MYT1: variants seen among roughly 807,000 people sequenced by gnomAD.
The protein encoded by MYT1 is myelin transcription factor I.
MYT1 carries 23 observed loss-of-function variants against 123.0 expected under a neutral mutation model. That is an observed-to-expected ratio of 0.19 (90% CI 0.13 to 0.26). The LOEUF (loss-of-function observed/expected upper bound fraction) is 0.26. MYT1 is among the 10% of genes least tolerant of loss of function. MYT1 has a pLI of 1.00. For missense variants in MYT1, 1,125 were observed against 1,472.5 expected, an observed-to-expected ratio of 0.76 and a Z score of 3.86; for synonymous variants, 518 against 575.3, an observed-to-expected ratio of 0.90 and a Z score of 1.43.
At chr20:64,227,808 A>G in intron 17 of MYT1, 80 bp from the exon 18 acceptor site, 32 of 596,190 alleles carry the variant, frequency 5.4e-5, no homozygotes, top group Non-Finnish European at 9.0e-5. Flanking sequence ...ACAGAGCTTG[A>G]GGGGAGAGGG....
intron 10 of MYT1, among the ~76,000 whole-genome samples, chr20:64,214,908 C>T (rs1983791585): frequency 6.6e-6 from 1 of 152,252 alleles, no homozygotes; most frequent in South Asian, 2.1e-4. Flanking sequence ...CCAGGCCCTT[C>T]CCTGGTCTGC....
At position 64,207,939 on chromosome 20, in the gene MYT1, C is replaced by T. The variant is rs1983535931; in HGVS notation, c.743C>T (p.Ser248Phe). ...CTGGAGGATGCAGCCAGTGAGGAGTCCAGCAAGCAGAAAGGCATCCTGAGT... is the reference window on the plus strand; with the variant it reads ...CTGGAGGATGCAGCCAGTGAGGAGTTCAGCAAGCAGAAAGGCATCCTGAGT... ...QSLEDAASEE[S>F]SKQKGILSHE... Residue 248 changes from serine (S) to phenylalanine (F), a missense_variant, in exon 7 of 23, where the codon TCC becomes TTC. Physicochemically the swap from Ser to Phe is radical, Grantham distance 155. This residue lies in a region of MYT1 where 406 missense variants were observed against 432.2 expected (regional missense o/e 0.94). Transcript: ENST00000328439. 5 of 1,609,004 alleles carry T rather than the reference C, an allele frequency of 3.1e-6. No individual in the cohort carries two copies. The highest frequency in any genetic ancestry group is 3.4e-6 in the Non-Finnish European group (4 of 1,178,514).
Position 64,199,954 on chromosome 20 carries a change from C to T in MYT1, c.86+32C>T, listed in dbSNP as rs201103523. 348 of 1,611,270 alleles carry T rather than the reference C, an allele frequency of 2.2e-4. 2 individuals are homozygous for T. Among genetic ancestry groups the T allele is most frequent in the Admixed American group, 1.1e-3 (67 of 60,016 alleles). ...AAGTCTTCCTGTTAGCACCAAGCAT[C>T]GTCTATGTGCCTGTGACCCTGGAGA... On this transcript the variant is annotated intron_variant, in intron 4 of 22. Coordinates refer to ENST00000328439, the MANE Select transcript of MYT1 (RefSeq NM_004535.3).
In MYT1 at chr20:64,193,243, C is replaced by T. The variant is rs1353149521; in HGVS notation, c.-1+3083C>T. 6.6e-6 allele frequency among the ~76,000 whole-genome samples: 1 copy of T among 152,092 alleles called. No homozygotes were observed. The highest frequency in any genetic ancestry group is 6.5e-5 in the Admixed American group (1 of 15,278). ...GGGGTGAGGGCATATGGTTTAGCCT[C>T]AGAGATCAAGAGAGTGGAAAGCAGG... On this transcript the variant is annotated intron_variant, in intron 2 of 22. Transcript: ENST00000328439. This position sits in a 1 kb window ranked among gnomAD's most constrained non-coding sequence, Gnocchi z 4.0.
intron 19 of MYT1, among the ~76,000 whole-genome samples, chr20:64,235,603 G>A (rs977033844): frequency 2.7e-5 from 4 of 146,696 alleles, no homozygotes; most frequent in African/African-American, 1.0e-4. Context: ...CATGGTGGGT[G>A]ACCCCGAGCT....
rs939833399 is a variant in MYT1 at position 64,213,926 on chromosome 20, G to A, written c.1631+279G>A. On this transcript the variant is annotated intron_variant, in intron 10 of 22. Transcript: ENST00000328439. This position sits in a 1 kb window ranked among gnomAD's most constrained non-coding sequence, Gnocchi z 5.6. ...CTCCTGCACAGTTGCCTCTGCCTCC[G>A]ACATGGGGCTCTGCCTCCTTGGAGT... Among the ~76,000 whole-genome samples, 3 of 150,010 alleles carry A rather than the reference G, an allele frequency of 2.0e-5. No homozygotes were observed. Among genetic ancestry groups the A allele is most frequent in the Admixed American group, 6.6e-5 (1 of 15,072 alleles).
intron 2 of MYT1, among the ~76,000 whole-genome samples, chr20:64,194,683 G>A (rs1200101530): frequency 1.3e-5 from 2 of 152,222 alleles, no homozygotes; most frequent in South Asian, 2.1e-4. Flanking sequence ...GAGGGAGTCC[G>A]TGAGTGAGTG....
intron 18 of MYT1, among the ~76,000 whole-genome samples, chr20:64,230,813 T>A (rs2145731097): frequency 6.6e-6 from 1 of 152,062 alleles, no homozygotes; most frequent in South Asian, 2.1e-4. Flanking sequence ...GTGGGTGGGA[T>A]GAGTAACAAA....
Position 64,203,981 on chromosome 20 carries a change from C to T in MYT1, c.87-1054C>T, listed in dbSNP as rs905659765. Among the ~76,000 whole-genome samples, 1 of 152,236 alleles carries T rather than the reference C, an allele frequency of 6.6e-6. No homozygotes were observed. Among genetic ancestry groups the T allele is most frequent in the African/African-American group, 2.4e-5 (1 of 41,462 alleles). ...GGTCTTCCCATCTTGGCCAGGAAAG[C>T]CTCTCTCTTCCCACAAGGAGCGCAG... On this transcript the variant is annotated intron_variant, in intron 4 of 22. Transcript: ENST00000328439. The surrounding 1 kb of genome is among the most constrained non-coding windows in gnomAD (Gnocchi z 5.1).
intron 16 of MYT1, among the ~76,000 whole-genome samples, chr20:64,225,837 G>A (rs894689784): frequency 6.6e-6 from 1 of 152,168 alleles, no homozygotes; most frequent in Non-Finnish European, 1.5e-5. Flanking sequence ...TCGGGCCTTA[G>A]TGAGGACTGC....
intron 16 of MYT1, among the ~76,000 whole-genome samples, chr20:64,224,990 C>A (rs182403101): frequency 6.6e-6 from 1 of 152,162 alleles, no homozygotes; most frequent in African/African-American, 2.4e-5. Context: ...AGAACCTTAA[C>A]GCCAAACTTC....
intron 11 of MYT1, among the ~76,000 whole-genome samples, chr20:64,217,971 C>A (rs1983889535): frequency 6.6e-6 from 1 of 152,256 alleles, no homozygotes; most frequent in Non-Finnish European, 1.5e-5. Flanking sequence ...AATGGAAAAG[C>A]ATTCAGTGTA....
Position 64,229,042 on chromosome 20 carries a change from C to G in MYT1, c.2675+1071C>G, listed in dbSNP as rs541011348. Among the ~76,000 whole-genome samples the G allele has an allele frequency of 4.3e-4, 66 of 152,366 alleles. No homozygotes were observed. The South Asian group carries it at 9.9e-3, about 23-fold the overall frequency. On this transcript the variant is annotated intron_variant, in intron 18 of 22. Transcript: ENST00000328439. ...TTTGCTCCAGCTGTGCCCAAACACC[C>G]GGCCACACTGGAGGAGCCTAATTGA... is the stretch of plus-strand genomic sequence containing the variant.
At chr20:64,229,743 T>G (rs1300557163) in intron 18 of MYT1, among the ~76,000 whole-genome samples, 1 of 152,010 alleles carries the variant, frequency 6.6e-6, no homozygotes, top group Non-Finnish European at 1.5e-5. Flanking sequence ...GGAACAGGAG[T>G]CCTTTTTATG....
chr20:64,230,532 A>G (rs1984289214), intron 18 of MYT1, among the ~76,000 whole-genome samples: 1 of 152,174 alleles, frequency 6.6e-6, no homozygotes, highest in African/African-American at 2.4e-5. Flanking sequence ...TACTACTACT[A>G]CTAATAATAA....
chr20:64,211,150 C>T (rs376231629), intron 7 of MYT1, 56 bp from the exon 8 acceptor site: 38 of 1,574,860 alleles, frequency 2.4e-5, no homozygotes, highest in Non-Finnish European at 3.1e-5. Flanking sequence ...CCCCTGCCCC[C>T]TCTCTGCTCA....
intron 1 of MYT1, among the ~76,000 whole-genome samples, chr20:64,175,074 TCTC>T (rs750332749): frequency 0.013 from 3 of 236 alleles, no homozygotes; most frequent in African/African-American, 0.077. Flanking sequence ...CTCCCTGGCT[TCTC>T]CTGCAGCATC....
intron 4 of MYT1, among the ~76,000 whole-genome samples, chr20:64,201,101 G>A (rs1330514635): frequency 6.6e-6 from 1 of 152,242 alleles, no homozygotes; most frequent in Non-Finnish European, 1.5e-5. Context: ...TCCCAGGCGA[G>A]GGTGCAGTGA....
chr20:64,240,261 C>G (rs1312507704), intron 22 of MYT1, 59 bp from the exon 23 acceptor site: 11 of 1,587,084 alleles, frequency 6.9e-6, no homozygotes, highest in Non-Finnish European at 7.7e-6. Flanking sequence ...CCACATCAGG[C>G]TCTGCGGTGT....
Sources: allele counts gnomAD v4.1 joint callset (sites outside exome capture counted in the v4.1 genomes callset), GRCh38; gene constraint gnomAD v4.1.1; regional missense constraint gnomAD v4.1.1; non-coding constraint Gnocchi (gnomAD v3.1); transcripts MANE v1.5; gene names NCBI Gene and HGNC (gene_info 2026-07-23, HGNC 2026-07-21).